PCDH15: variants seen among roughly 807,000 people sequenced by gnomAD.
The protein encoded by PCDH15 is protocadherin related 15, also known as protocadherin-15.
PCDH15 carries 129 observed loss-of-function variants against 178.5 expected under a neutral mutation model. That is an observed-to-expected ratio of 0.72 (90% confidence interval 0.63 to 0.84). The LOEUF is 0.84. PCDH15 is among the 40% of genes least tolerant of loss of function. The pLI is 0.00. For synonymous variants in PCDH15, 800 were observed against 732.0 expected, an observed-to-expected ratio of 1.09 and a Z score of -1.50; for missense variants, 2,230 against 2,099.9, an observed-to-expected ratio of 1.06 and a Z score of -1.21.
At chr10:54,955,390 G>T (rs1838458380) in intron 2 of PCDH15, among the ~76,000 whole-genome samples, 1 of 151,058 alleles carries the variant, frequency 6.6e-6, no homozygotes, top group Non-Finnish European at 1.5e-5. Context: ...AAGTATTTTG[G>T]TTTTTGTAAG....
intron 2 of PCDH15, among the ~76,000 whole-genome samples, chr10:54,565,643 A>T (rs1176889833): frequency 6.6e-6 from 1 of 152,164 alleles, no homozygotes; most frequent in Non-Finnish European, 1.5e-5. Flanking sequence ...AAAATATTTT[A>T]TTCCTTGTTT....
At chr10:55,052,975 G>C (rs1297856121) in intron 2 of PCDH15, among the ~76,000 whole-genome samples, 1 of 152,106 alleles carries the variant, frequency 6.6e-6, no homozygotes, top group Non-Finnish European at 1.5e-5. Context: ...GGGAAGGACT[G>C]TCTATAAATG....
intron 26 of PCDH15, among the ~76,000 whole-genome samples, chr10:53,897,452 A>G (rs1378512965): frequency 6.6e-6 from 1 of 152,218 alleles, no homozygotes; most frequent in African/African-American, 2.4e-5. Flanking sequence ...TATAAATTAA[A>G]AATAGTTTAA....
chr10:54,343,808 AAAAT>A (rs1374863585), intron 6 of PCDH15, among the ~76,000 whole-genome samples: 19 of 152,146 alleles, frequency 1.2e-4, no homozygotes, highest in African/African-American at 4.3e-4. Flanking sequence ...TAAAAAATAA[AAAAT>A]AAAAATAAAA....
chr10:55,202,229 A>G lies in PCDH15; in HGVS notation c.-155-35578T>C, dbSNP rs1194171196. ...TTGGAAACTTCATCTACGCAGAGCC[A>G]GTATAAATGACCTCCAAGATGGCGA... On this transcript the variant is annotated intron_variant, in intron 1 of 5. Transcript: ENST00000458638. Among the ~76,000 whole-genome samples, 3 of 152,108 alleles carry G rather than the reference A, an allele frequency of 2.0e-5. 1 individual carries two copies. The highest frequency in any genetic ancestry group is 4.1e-4 in the South Asian group (2 of 4,832).
intron 8 of PCDH15, among the ~76,000 whole-genome samples, chr10:54,282,811 G>A (rs970053047): frequency 6.6e-6 from 1 of 151,966 alleles, no homozygotes; most frequent in African/African-American, 2.4e-5. Context: ...TAAAAGTATT[G>A]CTAGGATTTA....
At chr10:54,776,631 G>A (rs900904140) in intron 1 of PCDH15, among the ~76,000 whole-genome samples, 4 of 152,164 alleles carry the variant, frequency 2.6e-5, no homozygotes, top group African/African-American at 9.7e-5. Flanking sequence ...ACCATGGAAA[G>A]CTTGAGTTTT....
chr10:53,867,200 C>A (rs1450431730), intron 26 of PCDH15, among the ~76,000 whole-genome samples: 3 of 151,966 alleles, frequency 2.0e-5, no homozygotes, highest in Non-Finnish European at 4.4e-5. Flanking sequence ...TTTATGAGAT[C>A]ACCTTTTTTT....
intron 21 of PCDH15, among the ~76,000 whole-genome samples, chr10:53,991,962 T>C (rs1450180756): frequency 6.6e-6 from 1 of 151,974 alleles, no homozygotes; most frequent in African/African-American, 2.4e-5. Context: ...CCCGCTCGGG[T>C]CCCCTTCCAC....
intron 1 of PCDH15, among the ~76,000 whole-genome samples, chr10:55,242,554 G>A (rs755806008): frequency 6.6e-6 from 1 of 151,998 alleles, no homozygotes; most frequent in Non-Finnish European, 1.5e-5. Flanking sequence ...ATCACAAACT[G>A]TCGGCCAGGA....
rs1406438098 is a variant in PCDH15 at position 55,599,946 on chromosome 10, T to C, written c.-156+27679A>G. On this transcript the variant is annotated intron_variant, in intron 2 of 5. Coordinates refer to the PCDH15 transcript ENST00000613346. ...TGTCTCTTACTTTCAACCAGTGAAA[T>C]TGACCTACCTATGAAGAGGCGGGTA... 21 of 1,519,458 alleles carry C rather than the reference T, an allele frequency of 1.4e-5. No homozygotes were observed. The South Asian group carries it at 2.3e-4, about 17-fold the overall frequency. 94.1% of individuals were successfully genotyped at this position (1,519,458 alleles called of 1,614,324 possible). A position where few individuals can be genotyped will look rare whatever the true frequency, so the allele number is the denominator to read the frequency against.
chr10:55,382,595 T>C lies in PCDH15; in HGVS notation c.-155-215944A>G, dbSNP rs192922729. On this transcript the variant is annotated intron_variant, in intron 2 of 5. Coordinates refer to the PCDH15 transcript ENST00000613346. ...CTTGATTTTAACCCAGTGAGACACG[T>C]GTTGGATTATATCCTATAGAACTGT... 2.9e-4 allele frequency among the ~76,000 whole-genome samples: 44 copies of C among 152,280 alleles called. No individual in the cohort carries two copies. The East Asian group carries it at 7.0e-3, about 24-fold the overall frequency.
At chr10:54,416,414 T>G (rs1326304709) in intron 3 of PCDH15, among the ~76,000 whole-genome samples, 1 of 152,094 alleles carries the variant, frequency 6.6e-6, no homozygotes, top group Non-Finnish European at 1.5e-5. Flanking sequence ...TTGGGCATGA[T>G]ATCTTCGAGC....
chr10:55,229,080 G>A (rs1436721708), intron 1 of PCDH15, among the ~76,000 whole-genome samples: 1 of 151,648 alleles, frequency 6.6e-6, no homozygotes, highest in Non-Finnish European at 1.5e-5. Flanking sequence ...GATATAATGA[G>A]GTAAACTCTA....
chr10:54,820,520 A>G (rs1175939024), intron 3 of PCDH15, among the ~76,000 whole-genome samples: 8 of 152,094 alleles, frequency 5.3e-5, no homozygotes, highest in Admixed American at 3.3e-4. Context: ...AAAGCTTTCA[A>G]GATAATAAAT....
chr10:54,600,943 C>T (rs1339696471), intron 2 of PCDH15, among the ~76,000 whole-genome samples: 1 of 151,934 alleles, frequency 6.6e-6, no homozygotes, highest in Non-Finnish European at 1.5e-5. Flanking sequence ...GGGGAGATGT[C>T]TTGAGATGTA....
chr10:55,544,380 G>C (rs1288780463), intron 2 of PCDH15, among the ~76,000 whole-genome samples: 2 of 151,044 alleles, frequency 1.3e-5, no homozygotes, highest in Non-Finnish European at 3.0e-5. Context: ...ATTTCTTCAC[G>C]AATCAAATTT....
chr10:55,017,316 G>T (rs1840206456), intron 2 of PCDH15, among the ~76,000 whole-genome samples: 1 of 152,040 alleles, frequency 6.6e-6, no homozygotes, highest in Non-Finnish European at 1.5e-5. Context: ...TTCCCCTCTT[G>T]CTGTTCTAAT....
intron 8 of PCDH15, among the ~76,000 whole-genome samples, chr10:54,273,501 G>A (rs2058167986): frequency 6.6e-6 from 1 of 151,806 alleles, no homozygotes; most frequent in African/African-American, 2.4e-5. Context: ...TGAAAAGGGG[G>A]TCAGCACTTA....
Sources: allele counts gnomAD v4.1 joint callset (sites outside exome capture counted in the v4.1 genomes callset), GRCh38; gene constraint gnomAD v4.1.1; transcripts MANE v1.5; gene names NCBI Gene and HGNC (gene_info 2026-07-23, HGNC 2026-07-21).